Variants in ARHGAP8 observed in about 807,000 individuals in gnomAD.
The protein encoded by ARHGAP8 is rho GTPase-activating protein 8.
A neutral mutation model predicts 46.1 loss-of-function variants in ARHGAP8; 62 were observed. The ratio of observed to expected loss-of-function variants is 1.34; its 90% confidence interval spans 1.10 to 1.66. ARHGAP8 has a LOEUF of 1.66. ARHGAP8 is among the 40% of genes most tolerant of loss of function. ARHGAP8 has a pLI of 0.00. For synonymous variants in ARHGAP8, 375 were observed against 243.1 expected, an observed-to-expected ratio of 1.54 and a Z score of -5.05; for missense variants, 923 against 568.4, an observed-to-expected ratio of 1.62 and a Z score of -6.34.
intron 2 of ARHGAP8, among the ~76,000 whole-genome samples, chr22:44,790,431 T>G (rs1248280280): frequency 1.3e-5 from 2 of 151,916 alleles, no homozygotes; most frequent in Admixed American, 6.6e-5. Flanking sequence ...ATCCCAGTAC[T>G]TTAGAAGCCC....
At position 44,785,454 on chromosome 22, in the gene ARHGAP8, C is replaced by T. The variant is rs149615189; in HGVS notation, c.-71-1003C>T. 5.3e-5 allele frequency among the ~76,000 whole-genome samples: 8 copies of T among 152,246 alleles called. No homozygotes were observed. The South Asian group carries it at 8.3e-4, about 16-fold the overall frequency. On this transcript the variant is annotated intron_variant, in intron 1 of 11. Transcript: ENST00000356099. ...GTGGTTCCTGGTGTCCCTTGGCTTGCGGCCGCATCACACTAGTCTGTGACT... is the reference window on the plus strand; with the variant it reads ...GTGGTTCCTGGTGTCCCTTGGCTTGTGGCCGCATCACACTAGTCTGTGACT...
intron 1 of ARHGAP8, among the ~76,000 whole-genome samples, chr22:44,768,558 C>G (rs1022473835): frequency 6.6e-6 from 1 of 152,018 alleles, no homozygotes; most frequent in Non-Finnish European, 1.5e-5. Flanking sequence ...TCTCCCGCCT[C>G]AGCCTCCCAA....
At position 44,848,043 on chromosome 22, in the gene ARHGAP8, C is replaced by T. The variant is rs1251444048; in HGVS notation, c.741C>T (p.Tyr247=). ...CCGTCCGCGAGATCCAGAGGCTCTA[C>T]AACCAAGGTGAGGGTGTCCCGCAGT... ...VQTVREIQRL[Y]NQGKPVNFDD... Residue 247 remains tyrosine, a synonymous_variant, in exon 9 of 12, where the codon TAC becomes TAT. Transcript: ENST00000356099. 6.2e-7 allele frequency: 1 copy of T among 1,606,598 alleles called. No homozygotes were observed. Among genetic ancestry groups the T allele is most frequent in the Non-Finnish European group, 8.5e-7 (1 of 1,179,954 alleles).
chr22:44,797,649 A>T (rs1186434786), intron 2 of ARHGAP8, among the ~76,000 whole-genome samples: 29 of 152,234 alleles, frequency 1.9e-4, no homozygotes, highest in Admixed American at 1.9e-3. Context: ...ACCTCGGAGT[A>T]GCTTCCAGGC....
intron 4 of ARHGAP8, among the ~76,000 whole-genome samples, chr22:44,810,620 G>A (rs368579960): frequency 2.0e-5 from 3 of 152,178 alleles, no homozygotes; most frequent in Admixed American, 6.5e-5. Flanking sequence ...TCCAGCTGGC[G>A]TAATCAGGAA....
At chr22:44,808,460 GGGACGTGGGTGT>G (rs778613789) in intron 4 of ARHGAP8, 22 bp downstream of exon 4, 48 of 1,612,908 alleles carry the variant, frequency 3.0e-5, no homozygotes, top group Non-Finnish European at 4.0e-5. Context: ...CAAGCCTTCA[GGGACGTGGGTGT>G]GGGCTGCTTG....
intron 7 of ARHGAP8, among the ~76,000 whole-genome samples, chr22:44,843,026 A>C (rs1349932564): frequency 6.6e-6 from 1 of 152,152 alleles, no homozygotes; most frequent in Non-Finnish European, 1.5e-5. Flanking sequence ...TGTGGACTCT[A>C]AGGATCAGGG....
At position 44,788,777 on chromosome 22, in the gene ARHGAP8, C is replaced by T. The variant is rs181458455; in HGVS notation, c.79+2171C>T. Among the ~76,000 whole-genome samples, 295 of 152,138 alleles carry T rather than the reference C, an allele frequency of 1.9e-3. 1 individual carries two copies. The highest frequency in any genetic ancestry group is 6.9e-3 in the African/African-American group (288 of 41,524). The stretch of plus-strand genomic sequence containing the variant: ...ATGGTAAATATATATGGATACAATC[C>T]GCTTAAAAAGATAAAGCTCTTCGAA... On this transcript the variant is annotated intron_variant, in intron 2 of 11. Coordinates refer to ENST00000356099, the MANE Select transcript of ARHGAP8 (RefSeq NM_181335.3).
chr22:44,825,715 G>A, intron 7 of ARHGAP8, 122 bp downstream of exon 7: 1 of 1,221,794 alleles, frequency 8.2e-7, no homozygotes, highest in East Asian at 2.6e-5. Context: ...GAACCCTGCA[G>A]GAAAGATAAA....
chr22:44,808,826 A>G, intron 4 of ARHGAP8: 1 of 373,278 alleles, frequency 2.7e-6, no homozygotes, highest in South Asian at 2.0e-5. Context: ...AAAAAAACCA[A>G]AAACAAAAAC....
At chr22:44,862,168 G>C in intron 11 of ARHGAP8, 107 bp from the exon 12 acceptor site, 1 of 1,372,924 alleles carries the variant, frequency 7.3e-7, no homozygotes, top group South Asian at 1.6e-5. Flanking sequence ...TCCCAGTCCA[G>C]TGCTCCTCTC....
chr22:44,836,033 A>G (rs1931262304), intron 7 of ARHGAP8, among the ~76,000 whole-genome samples: 1 of 151,868 alleles, frequency 6.6e-6, no homozygotes, highest in Non-Finnish European at 1.5e-5. Context: ...CAGAACCTCT[A>G]CCCCATTAGA....
chr22:44,756,398 C>T (rs918971455), intron 1 of ARHGAP8, among the ~76,000 whole-genome samples: 4 of 152,176 alleles, frequency 2.6e-5, no homozygotes, highest in African/African-American at 9.7e-5. Context: ...CCTGACTCTC[C>T]AAAGCGGACC....
intron 3 of ARHGAP8, among the ~76,000 whole-genome samples, chr22:44,806,813 A>T (rs1241318708): frequency 1.3e-5 from 2 of 152,044 alleles, no homozygotes; most frequent in African/African-American, 4.8e-5. Context: ...AATTAAAAAA[A>T]ATTAGCCGGG....
intron 11 of ARHGAP8, 24 bp from the exon 12 acceptor site, chr22:44,862,251 T>G: frequency 6.4e-7 from 1 of 1,560,828 alleles, no homozygotes; most frequent in Non-Finnish European, 8.7e-7. Context: ...TCACTCCCCT[T>G]TACTTGTGTG....
At chr22:44,813,374 CAT>C (rs1157196537) in intron 4 of ARHGAP8, among the ~76,000 whole-genome samples, 1 of 147,510 alleles carries the variant, frequency 6.8e-6, no homozygotes, top group Admixed American at 6.9e-5. Flanking sequence ...TACATACACA[CAT>C]ACCCACCTAC....
At chr22:44,852,778 C>G (rs964108707) in intron 10 of ARHGAP8, among the ~76,000 whole-genome samples, 1 of 151,968 alleles carries the variant, frequency 6.6e-6, no homozygotes, top group Non-Finnish European at 1.5e-5. Context: ...CCATAAGTTC[C>G]GGGGATTTTT....
intron 1 of ARHGAP8, among the ~76,000 whole-genome samples, chr22:44,771,615 C>T (rs936380437): frequency 2.0e-5 from 3 of 151,466 alleles, no homozygotes; most frequent in Non-Finnish European, 4.4e-5. Context: ...AGTGCAATGG[C>T]GCAATCTCAG....
chr22:44,812,238 T>C (rs1197879441), intron 4 of ARHGAP8, among the ~76,000 whole-genome samples: 5 of 152,184 alleles, frequency 3.3e-5, no homozygotes, highest in Admixed American at 1.3e-4. Context: ...TGGAAGCCAC[T>C]GGAAGCTCAG....
Sources: allele counts gnomAD v4.1 joint callset (sites outside exome capture counted in the v4.1 genomes callset), GRCh38; gene constraint gnomAD v4.1.1; transcripts MANE v1.5; gene names NCBI Gene and HGNC (gene_info 2026-07-23, HGNC 2026-07-21).